Variants in POF1B observed in about 807,000 individuals in gnomAD.
POF1B encodes protein POF1B.
Under a neutral mutation model 55.3 loss-of-function variants are expected in POF1B, and 53 were observed. The observed-to-expected ratio is 0.96, with a 90% CI of 0.77 to 1.20. The LOEUF is 1.20. Ranked by LOEUF, POF1B falls within the 50% of genes most tolerant of loss-of-function variation. The pLI, the probability that POF1B is intolerant of heterozygous loss-of-function variation, is 0.00. For missense variants in POF1B, 478 were observed against 420.5 expected, an observed-to-expected ratio of 1.14 and a Z score of -1.20; for synonymous variants, 188 against 148.3, an observed-to-expected ratio of 1.27 and a Z score of -1.95.
intron 7 of POF1B, among the ~76,000 whole-genome samples, chrX:85,323,974 C>A (rs1435071795): frequency 9.0e-6 from 1 of 111,610 alleles, no homozygotes; most frequent in African/African-American, 3.3e-5. Flanking sequence ...CATTATTTAC[C>A]CAGAAGTCAT....
intron 4 of POF1B, among the ~76,000 whole-genome samples, chrX:85,353,413 A>G (rs182948698): frequency 2.8e-4 from 31 of 110,694 alleles, no homozygotes; most frequent in African/African-American, 9.5e-4. Flanking sequence ...AGATTATCCC[A>G]ATAATCAAAA....
chrX:85,314,549 A>G (rs1302265739), intron 8 of POF1B, 43 bp from the exon 9 acceptor site: 1 of 976,180 alleles, frequency 1.0e-6, no homozygotes, highest in African/African-American at 2.0e-5. Flanking sequence ...ATACATATCA[A>G]TCTTAAGATC....
chrX:85,305,897 C>T lies in POF1B; in HGVS notation c.1331G>A (p.Cys444Tyr), dbSNP rs768162591. The change falls in exon 13 of 17, where the codon TGC (cysteine) becomes TAC (tyrosine). Residue 444 changes from cysteine (C) to tyrosine (Y), a missense_variant. Cys to Tyr is a radical substitution (Grantham distance 194). Coordinates refer to ENST00000262753, the MANE Select transcript of POF1B (RefSeq NM_024921.4). The stretch of plus-strand genomic sequence containing the variant: ...TTTAGCCTGCAACATTGGGCCTGTG[C>T]AAGTCTCAGAAACCTACAGAAGGCA... ...QNLRMQVSETCTGPMLQAKMD... is the reference protein window; with the variant it reads ...QNLRMQVSETYTGPMLQAKMD... 29 of 1,206,380 alleles carry T rather than the reference C, an allele frequency of 2.4e-5. No individual in the cohort carries two copies. The highest frequency in any genetic ancestry group is 4.6e-4 in the Middle Eastern group (2 of 4,352).
At chrX:85,332,352 G>A (rs1932993563) in intron 6 of POF1B, among the ~76,000 whole-genome samples, 2 of 110,996 alleles carry the variant, frequency 1.8e-5, no homozygotes, top group Non-Finnish European at 3.8e-5. Flanking sequence ...AATCCTAGAC[G>A]CAAATTACTA....
At chrX:85,341,085 G>A (rs7052266) in intron 6 of POF1B, among the ~76,000 whole-genome samples, 20,483 of 110,336 alleles carry the variant, frequency 0.19, 3,750 homozygotes, top group African/African-American at 0.57. Flanking sequence ...ACAGTTAGAT[G>A]AGAGATGAAT....
chrX:85,287,356 G>T (rs1461974493), intron 15 of POF1B, among the ~76,000 whole-genome samples: 1 of 111,150 alleles, frequency 9.0e-6, no homozygotes, highest in East Asian at 2.9e-4. Flanking sequence ...AGTCAGACTG[G>T]TTAGCAAAGA....
At chrX:85,366,348 G>C (rs1428429499) in intron 3 of POF1B, among the ~76,000 whole-genome samples, 2 of 109,886 alleles carry the variant, frequency 1.8e-5, no homozygotes, top group African/African-American at 6.6e-5. Flanking sequence ...CTGTATATAT[G>C]GTATAAACTC....
At chrX:85,333,833 G>C (rs1357090851) in intron 6 of POF1B, among the ~76,000 whole-genome samples, 1 of 109,771 alleles carries the variant, frequency 9.1e-6, no homozygotes, top group Non-Finnish European at 1.9e-5. Context: ...AAAGTCAAAA[G>C]CAGGTAAGTC....
intron 15 of POF1B, among the ~76,000 whole-genome samples, chrX:85,292,967 A>C (rs1444977609): frequency 8.9e-6 from 1 of 112,030 alleles, no homozygotes; most frequent in Non-Finnish European, 1.9e-5. Context: ...GCAAATGAAA[A>C]CCACAATGAG....
chrX:85,371,292 C>G (rs781772066), intron 2 of POF1B, among the ~76,000 whole-genome samples: 39 of 111,927 alleles, frequency 3.5e-4, no homozygotes, highest in Non-Finnish European at 6.4e-4. Context: ...TCCATACAAA[C>G]AAAACAATTT....
chrX:85,378,837 C>G (rs1220787461), intron 2 of POF1B, among the ~76,000 whole-genome samples: 3 of 112,198 alleles, frequency 2.7e-5, no homozygotes, highest in Non-Finnish European at 5.6e-5. Flanking sequence ...GGAACTTGTT[C>G]TAATAAAAAT....
intron 2 of POF1B, among the ~76,000 whole-genome samples, chrX:85,376,080 C>T (rs1231595149): frequency 9.0e-6 from 1 of 111,401 alleles, no homozygotes; most frequent in Non-Finnish European, 1.9e-5. Context: ...CAGAAAATCA[C>T]AGTGTTTGCT....
At chrX:85,283,442 G>C (rs1931955086) in intron 15 of POF1B, among the ~76,000 whole-genome samples, 2 of 109,841 alleles carry the variant, frequency 1.8e-5, no homozygotes, top group South Asian at 7.6e-4. Context: ...AAATTAGGTG[G>C]AGTTAACAGC....
chrX:85,328,835 A>G (rs1046597192), intron 7 of POF1B, among the ~76,000 whole-genome samples: 2 of 109,129 alleles, frequency 1.8e-5, no homozygotes, highest in Non-Finnish European at 3.8e-5. Flanking sequence ...TAGTATGTAA[A>G]AAAAAAAAAC....
chrX:85,298,387 C>T (rs968216395), intron 15 of POF1B, among the ~76,000 whole-genome samples: 7 of 111,619 alleles, frequency 6.3e-5, no homozygotes, highest in Admixed American at 4.7e-4. Flanking sequence ...CGTGAGATCT[C>T]TTGTAGCTAG....
intron 13 of POF1B, 136 bp from the exon 14 acceptor site, chrX:85,304,607 G>T (rs73234691): frequency 0.13 from 37,689 of 299,398 alleles, 1,977 homozygotes; most frequent in South Asian, 0.17. Context: ...ATAAACGTTC[G>T]AAGAATTTCA....
intron 16 of POF1B, 78 bp from the exon 17 acceptor site, chrX:85,279,504 A>G (rs935718249): frequency 1.0e-6 from 1 of 975,398 alleles, no homozygotes; most frequent in African/African-American, 1.9e-5. Flanking sequence ...AGTTATGGAA[A>G]ATTATTTAAA....
At chrX:85,296,202 T>C (rs1359016313) in intron 15 of POF1B, among the ~76,000 whole-genome samples, 1 of 111,913 alleles carries the variant, frequency 8.9e-6, no homozygotes, top group African/African-American at 3.3e-5. Context: ...TACCACTCTA[T>C]GTCTTTTAAG....
At chrX:85,307,711 A>G (rs1181040465) in intron 10 of POF1B, among the ~76,000 whole-genome samples, 3 of 111,997 alleles carry the variant, frequency 2.7e-5, no homozygotes, top group African/African-American at 6.5e-5. Context: ...AAGAACACCA[A>G]TTAAAATAGA....
Sources: gnomAD v4.1 joint callset for allele counts (sites outside exome capture counted in the v4.1 genomes callset) on GRCh38, gnomAD v4.1.1 for gene constraint, MANE v1.5 for transcripts, NCBI Gene and HGNC (gene_info 2026-07-23, HGNC 2026-07-21) for gene names.